Variants in PRKCZ observed in about 807,000 individuals in gnomAD.
PRKCZ encodes the protein protein kinase C zeta.
PRKCZ carries 33 observed loss-of-function variants against 79.5 expected under a neutral mutation model. That is an observed-to-expected ratio of 0.41 (90% CI 0.31 to 0.55). PRKCZ has a LOEUF of 0.55. Among genes scored for constraint, PRKCZ ranks in the 20% least tolerant of loss-of-function variants. PRKCZ has a pLI of 0.19. For synonymous variants in PRKCZ, 342 were observed against 320.9 expected (o/e 1.07, Z -0.70); for missense variants, 578 against 813.5 (o/e 0.71, Z 3.52).
rs139427892 is a variant in PRKCZ, at chr1:2,087,480, C to T, written c.334+27889C>T. On this transcript the variant is annotated intron_variant, in intron 4 of 17. Coordinates refer to ENST00000378567, the MANE Select transcript of PRKCZ (RefSeq NM_002744.6). ...CAGCCCCACCACGCAGAGAGCTGCA[C>T]CAGCACCTGTGGATGGCATCCCGAG... Among the ~76,000 whole-genome samples the T allele has an allele frequency of 2.8e-3, 420 of 152,288 alleles. 5 individuals are homozygous for T. The highest frequency in any genetic ancestry group is 9.8e-3 in the African/African-American group (406 of 41,574).
At chr1:2,051,580 G>A (rs545346387) in intron 1 of PRKCZ, among the ~76,000 whole-genome samples, 1 of 152,352 alleles carries the variant, frequency 6.6e-6, no homozygotes, top group South Asian at 2.1e-4. Context: ...TGCACTGGCT[G>A]GTCCTTGGGA....
chr1:2,160,269 GTGTC>G (rs1557707012), intron 10 of PRKCZ, among the ~76,000 whole-genome samples: 1 of 147,882 alleles, frequency 6.8e-6, no homozygotes, highest in Non-Finnish European at 1.5e-5. Flanking sequence ...GTGTGTGTGT[GTGTC>G]AGTTATGCTT....
At chr1:2,104,790 G>C (rs147095363) in intron 4 of PRKCZ, 11 of 985,782 alleles carry the variant, frequency 1.1e-5, no homozygotes, top group Non-Finnish European at 1.3e-5. Context: ...CCCCGGGGCC[G>C]AGCACGAAAG....
chr1:2,137,492 C>T (rs540389537), intron 5 of PRKCZ, among the ~76,000 whole-genome samples: 4 of 152,350 alleles, frequency 2.6e-5, no homozygotes, highest in South Asian at 2.1e-4. Context: ...CGCAGGGCTG[C>T]GCCCTCCTTC....
In PRKCZ at chr1:2,088,931, CTTTTG is replaced by C. The variant is rs766446522; in HGVS notation, c.334+29345_334+29349del. On this transcript the variant is annotated intron_variant, in intron 4 of 17. Transcript: ENST00000378567. ...CTTGTACTCCCTGGTGAGCCTGTCA[CTTTTG>C]TTTTATTTTGTTTTGTTTTCCGAGA... Among the ~76,000 whole-genome samples the C allele has an allele frequency of 4.3e-4, 66 of 152,294 alleles. 1 individual carries two copies. The highest frequency in any genetic ancestry group is 6.5e-4 in the Admixed American group (10 of 15,298).
At chr1:2,088,813 A>C (rs978738760) in intron 4 of PRKCZ, among the ~76,000 whole-genome samples, 5 of 152,226 alleles carry the variant, frequency 3.3e-5, no homozygotes, top group African/African-American at 1.2e-4. Context: ...AAAAAAACAC[A>C]AATCAGTGTT....
intron 4 of PRKCZ, among the ~76,000 whole-genome samples, chr1:2,132,307 C>G (rs1301754508): frequency 6.6e-6 from 1 of 152,212 alleles, no homozygotes; most frequent in Non-Finnish European, 1.5e-5. Flanking sequence ...TTCTCTTGTC[C>G]ACAGACCTTG....
intron 4 of PRKCZ, among the ~76,000 whole-genome samples, chr1:2,112,082 A>T (rs1669851036): frequency 6.6e-6 from 1 of 152,160 alleles, no homozygotes; most frequent in Non-Finnish European, 1.5e-5. Flanking sequence ...AGTGTTTCCC[A>T]AACTGAGTGA....
At chr1:2,074,254 A>G (rs1661969586) in intron 4 of PRKCZ, 2 of 1,550,424 alleles carry the variant, frequency 1.3e-6, no homozygotes, top group Non-Finnish European at 8.7e-7. Flanking sequence ...CTGGAGGGAC[A>G]TGCTCACCCC....
intron 16 of PRKCZ, among the ~76,000 whole-genome samples, chr1:2,180,935 T>C (rs915014289): frequency 6.6e-6 from 1 of 152,306 alleles, no homozygotes; most frequent in Admixed American, 6.5e-5. Context: ...TGTTTCCATG[T>C]GGCCGGCTAG....
At position 2,139,325 on chromosome 1, in the gene PRKCZ, C is replaced by T. The variant is rs556328969; in HGVS notation, c.420+3978C>T. 2.6e-5 allele frequency among the ~76,000 whole-genome samples: 4 copies of T among 152,272 alleles called. No individual in the cohort carries two copies. The East Asian group carries it at 5.8e-4, about 22-fold the overall frequency. ...TTAAAGCCGGCCGGGCGTGGTGGCTCACGCCTGTAATTCCAGCACTTTGGG... is the reference window on the plus strand; with the variant it reads ...TTAAAGCCGGCCGGGCGTGGTGGCTTACGCCTGTAATTCCAGCACTTTGGG... On this transcript the variant is annotated intron_variant, in intron 5 of 17. Transcript: ENST00000378567.
At chr1:2,051,720 G>GA (rs1453132001) in intron 1 of PRKCZ, among the ~76,000 whole-genome samples, 10 of 152,142 alleles carry the variant, frequency 6.6e-5, no homozygotes, top group Non-Finnish European at 1.5e-4. Context: ...TCAGGACAGT[G>GA]CCCCGGGGGT....
chr1:2,133,411 C>T (rs1222160065), intron 4 of PRKCZ, among the ~76,000 whole-genome samples: 1 of 150,528 alleles, frequency 6.6e-6, no homozygotes, highest in Admixed American at 6.6e-5. Flanking sequence ...CCCAGCTGCG[C>T]GTCCGTTCCT....
Position 2,094,188 on chromosome 1 carries a change from A to T in PRKCZ, c.334+34597A>T, listed in dbSNP as rs1052372933. Among the ~76,000 whole-genome samples the T allele has an allele frequency of 1.3e-5, 2 of 151,254 alleles. No individual in the cohort carries two copies. The highest frequency in any genetic ancestry group is 2.4e-5 in the African/African-American group (1 of 41,128). Reference sequence around the variant, plus strand: ...CCCCCGTCCCGGGAGCAGCCCCCCCACTTCCACCTGTCTTGGACGGGAGCT... The same window carrying T: ...CCCCCGTCCCGGGAGCAGCCCCCCCTCTTCCACCTGTCTTGGACGGGAGCT... On this transcript the variant is annotated intron_variant, in intron 4 of 17. Coordinates refer to ENST00000378567, the MANE Select transcript of PRKCZ (RefSeq NM_002744.6). The surrounding 1 kb of genome is among the most constrained non-coding windows in gnomAD (Gnocchi z 7.3).
intron 4 of PRKCZ, among the ~76,000 whole-genome samples, chr1:2,087,963 G>A (rs1306642721): frequency 1.3e-5 from 2 of 152,264 alleles, no homozygotes; most frequent in East Asian, 3.8e-4. Context: ...GTGAGGGACA[G>A]GCTGCTGGTG....
chr1:2,141,823 TC>T (rs1677381618), intron 5 of PRKCZ: 2 of 217,874 alleles, frequency 9.2e-6, no homozygotes, highest in Non-Finnish European at 1.9e-5. Context: ...CTGGTGTTCT[TC>T]TGCGCTGTGG....
rs1553152756 is a variant in PRKCZ, at chr1:2,117,998, C to CTTTTTTT, written c.335-17254_335-17248dup. 3.1e-5 allele frequency among the ~76,000 whole-genome samples: 2 copies of CTTTTTTT among 65,058 alleles called. 1 individual carries two copies. The highest frequency in any genetic ancestry group is 5.4e-5 in the Non-Finnish European group (2 of 36,704). 42.7% of individuals were successfully genotyped at this position (65,058 alleles called of 152,430 possible). A position where few individuals can be genotyped will look rare whatever the true frequency, so the allele number is the denominator to read the frequency against. ...TATGAGAGAGATTAGCCTATTATTTCTTTTTTTTTTTTTTTTGGAGTCTCA... is the reference window on the plus strand; with the variant it reads ...TATGAGAGAGATTAGCCTATTATTTCTTTTTTTTTTTTTTTTTTTTTTTGGAGTCTCA... On this transcript the variant is annotated intron_variant, in intron 4 of 17. Coordinates refer to ENST00000378567, the MANE Select transcript of PRKCZ (RefSeq NM_002744.6).
At chr1:2,131,957 G>A (rs778374893) in intron 4 of PRKCZ, among the ~76,000 whole-genome samples, 9 of 152,054 alleles carry the variant, frequency 5.9e-5, no homozygotes, top group African/African-American at 1.2e-4. Flanking sequence ...GACTACAGGC[G>A]CCCACCACCA....
In PRKCZ at chr1:2,075,432, A is replaced by G. The variant is rs1339936957; in HGVS notation, c.334+15841A>G. On this transcript the variant is annotated intron_variant, in intron 4 of 17. Transcript: ENST00000378567. The surrounding 1 kb of genome is among the most constrained non-coding windows in gnomAD (Gnocchi z 4.8). The stretch of plus-strand genomic sequence containing the variant: ...TTGGAGGGGCCACCGGCTGCCCCCC[A>G]GAAGCTGTTTCGTGTTGATGCTGCC... 6.6e-6 allele frequency: 1 copy of G among 152,188 alleles called. No homozygotes were observed. Among genetic ancestry groups the G allele is most frequent in the Non-Finnish European group, 1.5e-5 (1 of 68,078 alleles). 9.4% of individuals were successfully genotyped at this position (152,188 alleles called of 1,614,324 possible). A position where few individuals can be genotyped will look rare whatever the true frequency, so the allele number is the denominator to read the frequency against.
Sources: allele counts gnomAD v4.1 joint callset (sites outside exome capture counted in the v4.1 genomes callset), GRCh38; gene constraint gnomAD v4.1.1; non-coding constraint Gnocchi (gnomAD v3.1); transcripts MANE v1.5; gene names NCBI Gene and HGNC (gene_info 2026-07-23, HGNC 2026-07-21).